TMEM218: variants seen among roughly 807,000 people sequenced by gnomAD.
The protein encoded by TMEM218 is transmembrane protein 218.
Under a neutral mutation model 10.0 loss-of-function variants are expected in TMEM218, and 8 were observed. The observed-to-expected ratio is 0.80, with a 90% CI of 0.47 to 1.44. The LOEUF (loss-of-function observed/expected upper bound fraction) is 1.44. Ranked by LOEUF, TMEM218 falls within the 40% of genes most tolerant of loss-of-function variation. The pLI is 0.00. For synonymous variants in TMEM218, 66 were observed against 63.5 expected (o/e 1.04, Z -0.18); for missense variants, 110 against 140.1 (o/e 0.79, Z 1.08).
At position 125,094,863 on chromosome 11, in the gene TMEM218, T is replaced by C. The variant is rs1236141661; in HGVS notation, c.*2743A>G. Among the ~76,000 whole-genome samples the C allele has an allele frequency of 3.9e-5, 6 of 152,334 alleles. No individual in the cohort carries two copies. In the East Asian group the frequency reaches 7.7e-4, roughly 20 times the overall value. On this transcript the variant is annotated 3_prime_UTR_variant, in exon 5 of 5. Transcript: ENST00000682305. ...GACACCTTACAGCCTAGTTCTTCCA[T>C]GGGCTTACTCCACCAGGACTAGTGC...
At chr11:125,109,543 A>G (rs1017758067) in intron 1 of TMEM218, among the ~76,000 whole-genome samples, 8 of 152,220 alleles carry the variant, frequency 5.3e-5, no homozygotes, top group African/African-American at 1.7e-4. Flanking sequence ...TACCCAATGT[A>G]CTATTTTCTG....
rs1378610865 is a variant in TMEM218, at chr11:125,095,093, A to G, written c.*2513T>C. On this transcript the variant is annotated 3_prime_UTR_variant, in exon 5 of 5. Transcript: ENST00000682305. Reference sequence around the variant, plus strand: ...GGAACTTAACAAATTACCCATTGTGATCTCCATTGTGGGGATAGGGTGGTA... The same window carrying G: ...GGAACTTAACAAATTACCCATTGTGGTCTCCATTGTGGGGATAGGGTGGTA... 6.6e-6 allele frequency among the ~76,000 whole-genome samples: 1 copy of G among 152,194 alleles called. No homozygotes were observed. The highest frequency in any genetic ancestry group is 1.5e-5 in the Non-Finnish European group (1 of 68,030).
intron 1 of TMEM218, among the ~76,000 whole-genome samples, chr11:125,109,663 A>G (rs948746081): frequency 9.2e-5 from 14 of 152,332 alleles, no homozygotes; most frequent in African/African-American, 2.9e-4. Context: ...CAGATAAGAG[A>G]TGATGAGGGT....
chr11:125,097,886 G>T, intron 4 of TMEM218, 146 bp from the exon 5 acceptor site: 1 of 682,798 alleles, frequency 1.5e-6, no homozygotes, highest in Non-Finnish European at 2.4e-6. Context: ...CTGTACATGA[G>T]AAAAAAGAAT....
At chr11:125,104,346 G>T (rs1951635478) in intron 1 of TMEM218, 1 of 152,176 alleles carries the variant, frequency 6.6e-6, no homozygotes. Flanking sequence ...CCACTGCCTG[G>T]AACTAGCCCT....
chr11:125,097,725 A>C lies in TMEM218; in HGVS notation c.229T>G (p.Phe77Val). Residue 77 changes from phenylalanine (F) to valine (V), a missense_variant, in exon 5 of 5, where the codon TTC becomes GTC. Phe to Val is a conservative substitution (Grantham distance 50, BLOSUM62 -1). Coordinates refer to ENST00000682305, the MANE Select transcript of TMEM218 (RefSeq NM_001258244.2). ...GCCAGCAGGACATAGCGGCCAATGAAAAAGTCATCCACAATCTGGAGAAAG... is the reference window on the plus strand; with the variant it reads ...GCCAGCAGGACATAGCGGCCAATGACAAAGTCATCCACAATCTGGAGAAAG... ...EVEVKIVDDFFIGRYVLLAFL... is the reference protein window; with the variant it reads ...EVEVKIVDDFVIGRYVLLAFL... 1 of 1,613,718 alleles carries C rather than the reference A, an allele frequency of 6.2e-7. No homozygotes were observed. The highest frequency in any genetic ancestry group is 8.5e-7 in the Non-Finnish European group (1 of 1,179,862).
At chr11:125,107,453 T>C (rs1014627306) in intron 1 of TMEM218, among the ~76,000 whole-genome samples, 11 of 152,136 alleles carry the variant, frequency 7.2e-5, no homozygotes, top group Non-Finnish European at 5.9e-5. Context: ...TATGAAATGA[T>C]TGGGGAAATC....
intron 1 of TMEM218, among the ~76,000 whole-genome samples, chr11:125,106,871 A>C (rs923578998): frequency 9.9e-5 from 15 of 152,240 alleles, no homozygotes; most frequent in African/African-American, 3.6e-4. Flanking sequence ...ATTCAAAAAA[A>C]AGACATTGCA....
Position 125,097,142 on chromosome 11 carries a change from A to G in TMEM218, c.*464T>C, listed in dbSNP as rs1231154996. The G allele has an allele frequency of 1.3e-5, 2 of 152,376 alleles. No homozygotes were observed. Among genetic ancestry groups the G allele is most frequent in the African/African-American group, 4.8e-5 (2 of 41,468 alleles). The allele number at this position is 152,376 out of a possible 1,614,324, so 9.4% of individuals were successfully genotyped here. On this transcript the variant is annotated 3_prime_UTR_variant, in exon 5 of 5. Coordinates refer to ENST00000682305, the MANE Select transcript of TMEM218 (RefSeq NM_001258244.2). ...GTGGTCAATGACCAACATCTGAGTA[A>G]GTCTTCCAAATTATCACATTAAAAT... is the stretch of plus-strand genomic sequence containing the variant.
At chr11:125,101,531 G>A in intron 3 of TMEM218, 1 of 1,491,270 alleles carries the variant, frequency 6.7e-7, no homozygotes, top group South Asian at 1.3e-5. Flanking sequence ...CCTAAGAATG[G>A]AAATGTGTAG....
intron 1 of TMEM218, chr11:125,110,467 C>T (rs1316627311): frequency 6.6e-6 from 1 of 152,172 alleles, no homozygotes; most frequent in Non-Finnish European, 1.5e-5. Flanking sequence ...TGTGTGTGTT[C>T]ATTTAATGGT....
In TMEM218 at chr11:125,102,261, G is replaced by A. The variant is rs370969913; in HGVS notation, c.-20C>T. Reference sequence around the variant, plus strand: ...AGCCATCCCGCGGGGAGGCAGCGGCGGCCCCCCGCCCTGCGCGCCGCACGA... The same window carrying A: ...AGCCATCCCGCGGGGAGGCAGCGGCAGCCCCCCGCCCTGCGCGCCGCACGA... On this transcript the variant is annotated 5_prime_UTR_variant, in exon 3 of 5. Coordinates refer to ENST00000682305, the MANE Select transcript of TMEM218 (RefSeq NM_001258244.2). 5.9e-5 allele frequency: 95 copies of A among 1,609,824 alleles called. 1 individual carries two copies. The highest frequency in any genetic ancestry group is 7.7e-5 in the Non-Finnish European group (91 of 1,178,418).
intron 1 of TMEM218, chr11:125,110,856 G>GGGGA (rs1953742496): frequency 7.1e-6 from 1 of 141,118 alleles, no homozygotes; most frequent in Non-Finnish European, 1.6e-5. Context: ...ATAACGGGGG[G>GGGGA]GGGGGGTTAC....
chr11:125,099,772 A>C (rs11219901), intron 4 of TMEM218, among the ~76,000 whole-genome samples: 48,798 of 151,832 alleles, frequency 0.32, 8,474 homozygotes, highest in African/African-American at 0.45. Context: ...AAAAATACAA[A>C]AATTAGCTGG....
At chr11:125,103,405 T>C (rs73615745) in intron 1 of TMEM218, 9,965 of 152,192 alleles carry the variant, frequency 0.065, 974 homozygotes, top group African/African-American at 0.21. Flanking sequence ...ACCAAAAAGA[T>C]TGGGGATCAG....
At position 125,097,479 on chromosome 11, in the gene TMEM218, A is replaced by T; in HGVS notation, c.*127T>A. 9.4e-7 allele frequency: 1 copy of T among 1,066,540 alleles called. No individual in the cohort carries two copies. Among genetic ancestry groups the T allele is most frequent in the Non-Finnish European group, 1.3e-6 (1 of 755,704 alleles). The allele number at this position is 1,066,540 out of a possible 1,614,324, so 66.1% of individuals were successfully genotyped here. ...AGGACTCCAGAGATTTGTCTTAGTG[A>T]TGGACAGATACTCCTCTAACCTTAA... On this transcript the variant is annotated 3_prime_UTR_variant, in exon 5 of 5. Coordinates refer to ENST00000682305, the MANE Select transcript of TMEM218 (RefSeq NM_001258244.2).
In TMEM218 at chr11:125,095,692, AAAAC is replaced by A. The variant is rs1949561186; in HGVS notation, c.*1910_*1913del. Among the ~76,000 whole-genome samples the A allele has an allele frequency of 6.6e-6, 1 of 152,200 alleles. No homozygotes were observed. Among genetic ancestry groups the A allele is most frequent in the Non-Finnish European group, 1.5e-5 (1 of 68,034 alleles). ...ATGCCTTTCATTTACATCAGGCAAA[AAAAC>A]AAAAATTAGAAAACAGTAGTATTAA... On this transcript the variant is annotated 3_prime_UTR_variant, in exon 5 of 5. Coordinates refer to ENST00000682305, the MANE Select transcript of TMEM218 (RefSeq NM_001258244.2).
chr11:125,097,766 AATT>A (rs1465348279), intron 4 of TMEM218, 26 bp from the exon 5 acceptor site: 1 of 1,609,706 alleles, frequency 6.2e-7, no homozygotes, highest in Admixed American at 1.7e-5. Context: ...ATCAAAATGA[AATT>A]ACTACCAGTT....
Position 125,101,857 on chromosome 11 carries a change from CACAT to C in TMEM218, c.110+271_110+274del, listed in dbSNP as rs1333365824. 4 of 509,234 alleles carry C rather than the reference CACAT, an allele frequency of 7.9e-6. No homozygotes were observed. In the African/African-American group the frequency reaches 7.9e-5, roughly 10 times the overall value. The allele number at this position is 509,234 out of a possible 1,614,324, so 31.5% of individuals were successfully genotyped here. ...GCCATAAATCTGAACAATTCATAAA[CACAT>C]ACACATACAGCCTCAAGAAACTCAA... On this transcript the variant is annotated intron_variant, in intron 3 of 4. Transcript: ENST00000682305.
Sources: allele counts gnomAD v4.1 joint callset (sites outside exome capture counted in the v4.1 genomes callset), GRCh38; gene constraint gnomAD v4.1.1; transcripts MANE v1.5; gene names NCBI Gene and HGNC (gene_info 2026-07-23, HGNC 2026-07-21).